DLC1: variants seen among roughly 807,000 people sequenced by gnomAD.
The protein encoded by DLC1 is DLC1 Rho GTPase activating protein.
DLC1 carries 54 observed loss-of-function variants against 140.3 expected under a neutral mutation model. The observed-to-expected ratio is 0.38, with a 90% CI of 0.31 to 0.48. The LOEUF is 0.48. Among genes scored for constraint, DLC1 ranks in the 20% least tolerant of loss-of-function variants. DLC1 has a pLI of 0.96. For missense variants in DLC1, 2,536 were observed against 1,907.0 expected (o/e 1.33, Z -6.14); for synonymous variants, 986 against 728.1 (o/e 1.35, Z -5.70).
rs1216975451 is a variant in DLC1, at chr8:13,566,921, G to T, written c.-126+37616C>A. 1.5e-5 allele frequency: 22 copies of T among 1,461,718 alleles called. No individual in the cohort carries two copies. In the East Asian group the frequency reaches 5.2e-4, roughly 35 times the overall value. 90.5% of individuals were successfully genotyped at this position (1,461,718 alleles called of 1,614,324 possible). On this transcript the variant is annotated intron_variant, in intron 1 of 1. Transcript: ENST00000631382. The stretch of plus-strand genomic sequence containing the variant: ...TTGAGATCCATTCCCGGAGGGGTCA[G>T]CTCCTGACGGGTTCCTGAGCCAGTC...
At chr8:13,347,461 G>A (rs1256650995) in intron 4 of DLC1, among the ~76,000 whole-genome samples, 1 of 152,176 alleles carries the variant, frequency 6.6e-6, no homozygotes, top group African/African-American at 2.4e-5. Flanking sequence ...TGGTGTCGGG[G>A]ATGGGGCATG....
chr8:13,458,881 A>T (rs1302272034), intron 2 of DLC1, among the ~76,000 whole-genome samples: 1 of 152,064 alleles, frequency 6.6e-6, no homozygotes, highest in East Asian at 1.9e-4. Context: ...TAAAAAGTTT[A>T]CTTACTCTTG....
intron 5 of DLC1, 77 bp from the exon 6 acceptor site, chr8:13,115,734 T>A: frequency 7.2e-7 from 1 of 1,397,528 alleles, no homozygotes; most frequent in Non-Finnish European, 1.0e-6. Context: ...AAGCTTTCGT[T>A]TTATGATACA....
intron 1 of DLC1, among the ~76,000 whole-genome samples, chr8:13,509,267 A>C (rs1802249974): frequency 6.6e-6 from 1 of 152,218 alleles, no homozygotes; most frequent in Admixed American, 6.5e-5. Flanking sequence ...AGCTACATCA[A>C]CCCAGGTGCT....
At chr8:13,417,025 T>G (rs1285917909) in intron 2 of DLC1, among the ~76,000 whole-genome samples, 2 of 152,140 alleles carry the variant, frequency 1.3e-5, no homozygotes, top group Non-Finnish European at 2.9e-5. Context: ...GAGGATTTCT[T>G]GAGAGCAGTC....
chr8:13,165,882 G>T (rs1389646574), intron 5 of DLC1, among the ~76,000 whole-genome samples: 1 of 152,148 alleles, frequency 6.6e-6, no homozygotes. Context: ...GTGTCACTCA[G>T]ATGGCTAGAT....
rs527532307 is a variant in DLC1 at position 13,382,497 on chromosome 8, C to G, written c.1314+11056G>C. On this transcript the variant is annotated intron_variant, in intron 4 of 17. Coordinates refer to ENST00000276297, the MANE Select transcript of DLC1 (RefSeq NM_182643.3). Reference sequence around the variant, plus strand: ...CACTCCAGCCTGGGCGACAGCGAGACTCCGTCTCAAAAAAAAAAAAAAAAA... The same window carrying G: ...CACTCCAGCCTGGGCGACAGCGAGAGTCCGTCTCAAAAAAAAAAAAAAAAA... 5.3e-4 allele frequency among the ~76,000 whole-genome samples: 48 copies of G among 90,484 alleles called. 1 individual carries two copies. The Middle Eastern group carries it at 0.064, about 120-fold the overall frequency. 59.4% of individuals were successfully genotyped at this position (90,484 alleles called of 152,430 possible). A position where few individuals can be genotyped will look rare whatever the true frequency, so the allele number is the denominator to read the frequency against.
chr8:13,164,388 G>T (rs1469032796), intron 5 of DLC1, among the ~76,000 whole-genome samples: 1 of 151,922 alleles, frequency 6.6e-6, no homozygotes, highest in Non-Finnish European at 1.5e-5. Flanking sequence ...CTGTCTATCT[G>T]TGTGTCAAAC....
intron 2 of DLC1, among the ~76,000 whole-genome samples, chr8:13,457,582 C>T (rs747519562): frequency 2.9e-5 from 4 of 138,978 alleles, no homozygotes; most frequent in Admixed American, 2.5e-4. Flanking sequence ...GAGGCTGAGG[C>T]AGGAGAATGA....
At chr8:13,390,982 C>G (rs1343934723) in intron 4 of DLC1, among the ~76,000 whole-genome samples, 2 of 76,644 alleles carry the variant, frequency 2.6e-5, no homozygotes, top group African/African-American at 4.9e-5. Context: ...GAGACTCCGT[C>G]TCAAAAAAAA....
At chr8:13,471,236 G>A (rs1470422303) in intron 2 of DLC1, among the ~76,000 whole-genome samples, 2 of 151,738 alleles carry the variant, frequency 1.3e-5, no homozygotes, top group South Asian at 2.1e-4. Flanking sequence ...ACGTACAGCC[G>A]TGTGAAAATA....
intron 5 of DLC1, among the ~76,000 whole-genome samples, chr8:13,185,665 A>C (rs1031618945): frequency 2.0e-5 from 3 of 152,032 alleles, no homozygotes; most frequent in African/African-American, 7.2e-5. Context: ...TAATATTGTT[A>C]TGTGTGAACT....
At chr8:13,139,944 G>A (rs1325075888) in intron 5 of DLC1, among the ~76,000 whole-genome samples, 1 of 152,178 alleles carries the variant, frequency 6.6e-6, no homozygotes, top group African/African-American at 2.4e-5. Flanking sequence ...TAAATGTCCA[G>A]TCTAGTAGCA....
intron 5 of DLC1, among the ~76,000 whole-genome samples, chr8:13,126,613 G>T (rs1184294774): frequency 6.6e-6 from 1 of 151,966 alleles, no homozygotes; most frequent in Non-Finnish European, 1.5e-5. Context: ...AATGAAGCAC[G>T]TGTTTTAAGA....
At chr8:13,428,638 A>G (rs1209042721) in intron 2 of DLC1, among the ~76,000 whole-genome samples, 1 of 152,068 alleles carries the variant, frequency 6.6e-6, no homozygotes, top group Non-Finnish European at 1.5e-5. Flanking sequence ...AGTTCAGAAG[A>G]AAAGATATGC....
At position 13,579,346 on chromosome 8, in the gene DLC1, T is replaced by A. The variant is rs1563453940; in HGVS notation, c.-126+25191A>T. ...ATATATATATATATATATATATATA[T>A]ATATATATATATATATTTTTATATA... is the stretch of plus-strand genomic sequence containing the variant. On this transcript the variant is annotated intron_variant, in intron 1 of 1. Transcript: ENST00000631382. Among the ~76,000 whole-genome samples the A allele has an allele frequency of 2.7e-3, 140 of 52,224 alleles. 30 individuals are homozygous for A. The highest frequency in any genetic ancestry group is 0.015 in the African/African-American group (135 of 9,284). The allele number at this position is 52,224 out of a possible 152,430, so 34.3% of individuals were successfully genotyped here. A position where few individuals can be genotyped will look rare whatever the true frequency, so the allele number is the denominator to read the frequency against.
At chr8:13,465,896 C>T (rs1031577958) in intron 2 of DLC1, among the ~76,000 whole-genome samples, 16 of 152,144 alleles carry the variant, frequency 1.1e-4, no homozygotes, top group African/African-American at 3.9e-4. Flanking sequence ...AGAATCAGGA[C>T]TTTGTCACCC....
intron 2 of DLC1, among the ~76,000 whole-genome samples, chr8:13,482,049 C>T (rs1392254804): frequency 1.3e-5 from 2 of 152,110 alleles, no homozygotes; most frequent in East Asian, 3.9e-4. Context: ...CTAACCCTGC[C>T]CACACCTTGA....
upstream of DLC1, among the ~76,000 whole-genome samples, chr8:13,515,883 A>T (rs1204321952): frequency 6.6e-6 from 1 of 152,230 alleles, no homozygotes; most frequent in Non-Finnish European, 1.5e-5. Flanking sequence ...ACAAACACAG[A>T]GGAAGCTGAA....
Sources: gnomAD v4.1 joint callset for allele counts (sites outside exome capture counted in the v4.1 genomes callset) on GRCh38, gnomAD v4.1.1 for gene constraint, MANE v1.5 for transcripts, NCBI Gene and HGNC (gene_info 2026-07-23, HGNC 2026-07-21) for gene names.